USP53: variants seen among roughly 807,000 people sequenced by gnomAD.
USP53 encodes ubiquitin carboxyl-terminal hydrolase 53.
Under a neutral mutation model 94.9 loss-of-function variants are expected in USP53, and 71 were observed. The ratio of observed to expected loss-of-function variants is 0.75; its 90% CI spans 0.62 to 0.91. The LOEUF (loss-of-function observed/expected upper bound fraction) is 0.91, where lower values mean the gene tolerates loss of function less well. Among genes scored for constraint, USP53 ranks in the 40% least tolerant of loss-of-function variants. The probability of loss-of-function intolerance (pLI) is 0.00; values close to 1 mark genes in which losing one functional copy is unlikely to be tolerated. For synonymous variants in USP53, 375 were observed against 422.7 expected, an observed-to-expected ratio of 0.89 and a Z score of 1.39; for missense variants, 1,173 against 1,281.0, an observed-to-expected ratio of 0.92 and a Z score of 1.29.
intron 3 of USP53, among the ~76,000 whole-genome samples, chr4:119,227,662 C>A (rs1017084262): frequency 2.0e-5 from 3 of 152,104 alleles, no homozygotes; most frequent in African/African-American, 7.2e-5. Context: ...GCATAGTATT[C>A]AAAAACTTAG....
At chr4:119,269,292 CTT>C (rs1751556516) in intron 14 of USP53, among the ~76,000 whole-genome samples, 1 of 152,152 alleles carries the variant, frequency 6.6e-6, no homozygotes, top group South Asian at 2.1e-4. Flanking sequence ...GACTTACAAA[CTT>C]TGTGAACTTG....
chr4:119,239,504 T>C lies in USP53; in HGVS notation c.-256T>C. 2.3e-6 allele frequency: 1 copy of C among 441,482 alleles called. No individual in the cohort carries two copies. Among genetic ancestry groups the C allele is most frequent in the Non-Finnish European group, 4.0e-6 (1 of 253,042 alleles). 27.3% of individuals were successfully genotyped at this position (441,482 alleles called of 1,614,324 possible). A position where few individuals can be genotyped will look rare whatever the true frequency, so the allele number is the denominator to read the frequency against. On this transcript the variant is annotated 5_prime_UTR_variant, in exon 5 of 19. Transcript: ENST00000692078. ...CAGCTCCCATAAAATTTAACACATATAAACATCTTTAACGCCTTGTTTAAA... is the reference window on the plus strand; with the variant it reads ...CAGCTCCCATAAAATTTAACACATACAAACATCTTTAACGCCTTGTTTAAA...
intron 3 of USP53, among the ~76,000 whole-genome samples, chr4:119,222,779 T>A: frequency 6.6e-6 from 1 of 152,178 alleles, no homozygotes; most frequent in Admixed American, 6.5e-5. Flanking sequence ...AGTATAGACA[T>A]CTCTTTGATT....
chr4:119,291,888 T>C (rs898811622), intron 18 of USP53, among the ~76,000 whole-genome samples: 10 of 152,030 alleles, frequency 6.6e-5, no homozygotes, highest in African/African-American at 2.4e-4. Context: ...AATAAAGTAA[T>C]TAATATACTA....
At chr4:119,260,477 T>C in intron 10 of USP53, 30 bp from the exon 11 acceptor site, 5 of 1,601,512 alleles carry the variant, frequency 3.1e-6, no homozygotes, top group Non-Finnish European at 4.3e-6. Flanking sequence ...TCTGTTTTCA[T>C]AATTTTAAAA....
At chr4:119,266,105 T>C (rs1186689559) in intron 12 of USP53, among the ~76,000 whole-genome samples, 1 of 152,224 alleles carries the variant, frequency 6.6e-6, no homozygotes, top group Admixed American at 6.5e-5. Flanking sequence ...TACAATTTTA[T>C]ATAAATGGTC....
At position 119,271,336 on chromosome 4, in the gene USP53, A is replaced by T; in HGVS notation, c.1476A>T (p.Ser492=). The T allele has an allele frequency of 6.3e-7, 1 of 1,580,028 alleles. No individual in the cohort carries two copies. The highest frequency in any genetic ancestry group is 8.6e-7 in the Non-Finnish European group (1 of 1,168,802). ...DEDLSHFQSG[S]PPAPNGFKQH... ...ACCTTTCACATTTCCAATCTGGATC[A>T]CCTCCTGCCCCAAATGGTTTTAAAC... The change falls in exon 16 of 19, where the codon TCA becomes TCT. Residue 492 remains serine (S), a synonymous_variant. Transcript: ENST00000692078.
At chr4:119,279,960 C>G (rs530778433) in intron 17 of USP53, among the ~76,000 whole-genome samples, 2 of 152,216 alleles carry the variant, frequency 1.3e-5, no homozygotes, top group Non-Finnish European at 2.9e-5. Flanking sequence ...TGCTTTGGCT[C>G]GCACACGGTG....
chr4:119,263,814 A>G (rs1433399655), intron 12 of USP53, among the ~76,000 whole-genome samples: 4 of 152,126 alleles, frequency 2.6e-5, no homozygotes, highest in Non-Finnish European at 4.4e-5. Context: ...GCTCATGCCT[A>G]TAATCCCAGC....
intron 2 of USP53, among the ~76,000 whole-genome samples, chr4:119,216,797 G>C (rs1161131483): frequency 6.6e-6 from 1 of 152,156 alleles, no homozygotes; most frequent in East Asian, 1.9e-4. Flanking sequence ...TAAAGCAATG[G>C]TTAAGTTTAA....
rs747853051 is a variant in USP53 at position 119,239,752 on chromosome 4, G to A, written c.-8G>A. The A allele has an allele frequency of 1.2e-6, 2 of 1,603,192 alleles. No individual in the cohort carries two copies. Among genetic ancestry groups the A allele is most frequent in the South Asian group, 1.1e-5 (1 of 88,772 alleles). ...TTTTAGCCTAAATGCAAACAAAGTT[G>A]CTTGAAAATGGCATGGGTAAAATTC... On this transcript the variant is annotated 5_prime_UTR_variant, in exon 5 of 19. Transcript: ENST00000692078.
chr4:119,225,230 T>G (rs1302698810), intron 3 of USP53, among the ~76,000 whole-genome samples: 1 of 152,152 alleles, frequency 6.6e-6, no homozygotes, highest in East Asian at 1.9e-4. Flanking sequence ...ACACAAACTA[T>G]GAAAGCTCAC....
intron 7 of USP53, among the ~76,000 whole-genome samples, chr4:119,250,910 T>TC (rs1748894849): frequency 6.6e-6 from 1 of 151,730 alleles, no homozygotes; most frequent in East Asian, 1.9e-4. Flanking sequence ...AGTAGGATTT[T>TC]TTTTTTTAAT....
At chr4:119,223,676 T>C (rs1480296046) in intron 3 of USP53, among the ~76,000 whole-genome samples, 1 of 152,210 alleles carries the variant, frequency 6.6e-6, no homozygotes, top group African/African-American at 2.4e-5. Flanking sequence ...TTCTTATTGC[T>C]ACCAGGGTAA....
intron 14 of USP53, 53 bp downstream of exon 14, chr4:119,268,473 C>A: frequency 6.8e-7 from 1 of 1,478,344 alleles, no homozygotes; most frequent in Non-Finnish European, 9.1e-7. Context: ...GTCCTCCTTT[C>A]TTCACTTATC....
intron 17 of USP53, among the ~76,000 whole-genome samples, chr4:119,287,199 G>C (rs1754208825): frequency 6.6e-6 from 1 of 151,882 alleles, no homozygotes; most frequent in Non-Finnish European, 1.5e-5. Context: ...TTAACTTCTG[G>C]GCAAATTTTT....
chr4:119,252,207 G>C (rs1018071494), intron 7 of USP53, among the ~76,000 whole-genome samples: 13 of 152,108 alleles, frequency 8.5e-5, no homozygotes, highest in Admixed American at 7.9e-4. Flanking sequence ...TTTTTGTTGT[G>C]TCTCTGCGAG....
Position 119,245,325 on chromosome 4 carries a change from C to T in USP53, c.145-12C>T. The T allele has an allele frequency of 6.2e-7, 1 of 1,610,988 alleles. No individual in the cohort carries two copies. The highest frequency in any genetic ancestry group is 8.5e-7 in the Non-Finnish European group (1 of 1,178,664). The stretch of plus-strand genomic sequence containing the variant: ...TTTATTTCTTTTTCCTTAACATCTC[C>T]CTGTTTTTTAGGTTTTATGGCAATT... On this transcript the variant is annotated splice_polypyrimidine_tract_variant and intron_variant, in intron 5 of 18. Coordinates refer to ENST00000692078, the MANE Select transcript of USP53 (RefSeq NM_001371395.1).
rs115309185 is a variant in USP53, at chr4:119,243,695, T to C, written c.145-1642T>C. ...GTGTAACTCAGAGTTTTCGTAATCA[T>C]AGAAAACATTCTGGTTACATTTGGA... On this transcript the variant is annotated intron_variant, in intron 5 of 18. Transcript: ENST00000692078. Among the ~76,000 whole-genome samples the C allele has an allele frequency of 3.5e-3, 539 of 152,282 alleles. 5 individuals carry two copies. The highest frequency in any genetic ancestry group is 0.012 in the African/African-American group (518 of 41,562).
Sources: gnomAD v4.1 joint callset for allele counts (sites outside exome capture counted in the v4.1 genomes callset) on GRCh38, gnomAD v4.1.1 for gene constraint, MANE v1.5 for transcripts, NCBI Gene and HGNC (gene_info 2026-07-23, HGNC 2026-07-21) for gene names.